DYSF: variants seen among roughly 807,000 people sequenced by gnomAD.
DYSF encodes the protein dystrophy-associated fer-1-like 1.
In DYSF, 212 loss-of-function variants were observed where a neutral mutation model predicts 274.9. The observed-to-expected ratio is 0.77, with a 90% CI of 0.69 to 0.86. The LOEUF is 0.86. DYSF is among the 40% of genes least tolerant of loss of function. The pLI is 0.00. For missense variants in DYSF, 2,666 were observed against 2,783.2 expected, an observed-to-expected ratio of 0.96 and a Z score of 0.95; for synonymous variants, 1,091 against 1,078.7, an observed-to-expected ratio of 1.01 and a Z score of -0.22.
chr2:71,514,775 T>A (rs1268583007), intron 7 of DYSF, among the ~76,000 whole-genome samples: 1 of 152,192 alleles, frequency 6.6e-6, no homozygotes, highest in Non-Finnish European at 1.5e-5. Context: ...TAACCACTGT[T>A]TGCCCCAAAA....
intron 22 of DYSF, among the ~76,000 whole-genome samples, chr2:71,559,911 G>A (rs567591438): frequency 1.3e-5 from 2 of 152,378 alleles, no homozygotes; most frequent in East Asian, 3.9e-4. Context: ...CCCGAGGCCA[G>A]TTCATCTTTC....
chr2:71,455,789 G>A (rs1044621383), intron 1 of DYSF, among the ~76,000 whole-genome samples: 3 of 152,112 alleles, frequency 2.0e-5, no homozygotes, highest in Non-Finnish European at 2.9e-5. Flanking sequence ...AGCAGCCCCT[G>A]CTGTCAGGGG....
intron 1 of DYSF, among the ~76,000 whole-genome samples, chr2:71,476,318 G>T (rs778357775): frequency 1.3e-5 from 2 of 152,098 alleles, no homozygotes; most frequent in East Asian, 3.9e-4. Flanking sequence ...TTGGAAGGCC[G>T]AGGTGGGCAG....
chr2:71,469,195 G>A (rs149767967), intron 1 of DYSF, among the ~76,000 whole-genome samples: 245 of 152,242 alleles, frequency 1.6e-3, no homozygotes, highest in African/African-American at 5.7e-3. Flanking sequence ...TCCCCATTGC[G>A]GGAGCATTCA....
rs2152620707 is a variant in DYSF at position 71,454,007 on chromosome 2, G to A, written c.9G>A (p.Arg3=). The A allele has an allele frequency of 6.2e-7, 1 of 1,614,158 alleles. No individual in the cohort carries two copies. The highest frequency in any genetic ancestry group is 8.5e-7 in the Non-Finnish European group (1 of 1,180,014). Residue 3 remains arginine, a synonymous_variant, in exon 1 of 55, where the codon AGG becomes AGA. Transcript: ENST00000258104. ...CCCTACACGCGCCAAGCATGCTGAG[G>A]GTCTTCATCCTCTATGCCGAGAACG... is the stretch of plus-strand genomic sequence containing the variant.
intron 41 of DYSF, among the ~76,000 whole-genome samples, chr2:71,643,094 C>A (rs1363087264): frequency 4.6e-5 from 7 of 152,100 alleles, no homozygotes; most frequent in Non-Finnish European, 1.0e-4. Flanking sequence ...ACCATCCCAG[C>A]TTCAGGGAGC....
chr2:71,590,387 G>A, intron 32 of DYSF, 99 bp downstream of exon 32: 1 of 1,307,056 alleles, frequency 7.7e-7, no homozygotes, highest in Non-Finnish European at 1.1e-6. Flanking sequence ...TTTGCTGGGT[G>A]CATGGAGATG....
chr2:71,677,838 G>A (rs1458028231), intron 52 of DYSF, among the ~76,000 whole-genome samples: 4 of 152,118 alleles, frequency 2.6e-5, no homozygotes, highest in Non-Finnish European at 5.9e-5. Context: ...CCTACTCCAG[G>A]TGTGTGTGTA....
intron 41 of DYSF, among the ~76,000 whole-genome samples, chr2:71,622,270 T>C (rs1574424684): frequency 6.6e-6 from 1 of 152,224 alleles, no homozygotes; most frequent in East Asian, 1.9e-4. Flanking sequence ...GAACTATCGC[T>C]AGAATATAGG....
Position 71,647,949 on chromosome 2 carries a change from T to C in DYSF, c.4626+3886T>C, listed in dbSNP as rs1364174541. ...GTTGAAGCTGATGACAGAAGCCTCT[T>C]AGACCTGATTTGATTCAGAGAAGCA... On this transcript the variant is annotated intron_variant, in intron 42 of 55. Transcript: ENST00000410020. Among the ~76,000 whole-genome samples the C allele has an allele frequency of 2.6e-5, 4 of 152,318 alleles. No homozygotes were observed. The East Asian group carries it at 7.7e-4, about 29-fold the overall frequency.
chr2:71,546,140 C>T (rs901044016), intron 17 of DYSF, among the ~76,000 whole-genome samples: 11 of 152,266 alleles, frequency 7.2e-5, no homozygotes, highest in South Asian at 2.1e-4. Context: ...GGCCTCTCTC[C>T]GGCCTTGAGG....
chr2:71,538,569 T>G (rs1052653247), intron 16 of DYSF, among the ~76,000 whole-genome samples: 9 of 152,138 alleles, frequency 5.9e-5, no homozygotes, highest in Non-Finnish European at 1.3e-4. Flanking sequence ...ACAGAGATAA[T>G]AATAAAAGTG....
intron 1 of DYSF, among the ~76,000 whole-genome samples, chr2:71,476,946 T>C (rs1373591306): frequency 6.6e-6 from 1 of 151,996 alleles, no homozygotes; most frequent in Non-Finnish European, 1.5e-5. Flanking sequence ...GCCTGCCATT[T>C]CAAGGAAAAT....
At position 71,540,678 on chromosome 2, in the gene DYSF, AT is replaced by A. The variant is rs2089852389; in HGVS notation, c.1576+1440del. On this transcript the variant is annotated intron_variant, in intron 17 of 55. Transcript: ENST00000410020. ...TTAAATAATTATTTTATATTTATAT[AT>A]AACATGTTTATATAATTTATATTCA... Among the ~76,000 whole-genome samples, 8 of 150,894 alleles carry A rather than the reference AT, an allele frequency of 5.3e-5. No homozygotes were observed. The East Asian group carries it at 1.5e-3, about 29-fold the overall frequency.
At position 71,516,716 on chromosome 2, in the gene DYSF, C is replaced by T. The variant is rs541566036; in HGVS notation, c.952-273C>T. ...GCCTAGTGGCTCTAAGTGTAGGCTC[C>T]GGCACTAGAGTGGATTCCAGCTCTG... On this transcript the variant is annotated intron_variant, in intron 9 of 55. Transcript: ENST00000410020. 3.3e-5 allele frequency among the ~76,000 whole-genome samples: 5 copies of T among 152,288 alleles called. No individual in the cohort carries two copies. In the South Asian group the frequency reaches 6.2e-4, roughly 19 times the overall value.
In DYSF at chr2:71,535,010, G is replaced by T; in HGVS notation, c.1381-11G>T. Reference sequence around the variant, plus strand: ...AGCTTGATCAACTTGTCCCCTCCCTGTGTCTTCTAGCTGTGCAGCAAGATC... The same window carrying T: ...AGCTTGATCAACTTGTCCCCTCCCTTTGTCTTCTAGCTGTGCAGCAAGATC... On this transcript the variant is annotated splice_polypyrimidine_tract_variant and intron_variant, in intron 14 of 55. Coordinates refer to ENST00000410020, the MANE Select transcript of DYSF (RefSeq NM_001130987.2). 1 of 1,614,122 alleles carries T rather than the reference G, an allele frequency of 6.2e-7. No individual in the cohort carries two copies. Among genetic ancestry groups the T allele is most frequent in the Non-Finnish European group, 8.5e-7 (1 of 1,179,966 alleles).
chr2:71,561,725 C>A, intron 22 of DYSF, 27 bp from the exon 23 acceptor site: 2 of 1,613,758 alleles, frequency 1.2e-6, no homozygotes, highest in South Asian at 1.1e-5. Context: ...GCTCATCAGG[C>A]GCATTCCATC....
intron 30 of DYSF, among the ~76,000 whole-genome samples, chr2:71,587,097 G>T (rs1248531480): frequency 6.6e-6 from 1 of 152,218 alleles, no homozygotes; most frequent in African/African-American, 2.4e-5. Context: ...CCAAGTCTAA[G>T]AGGCCTGCTG....
At chr2:71,634,141 G>A (rs548453212) in intron 41 of DYSF, among the ~76,000 whole-genome samples, 21 of 152,288 alleles carry the variant, frequency 1.4e-4, no homozygotes, top group African/African-American at 5.1e-4. Context: ...TTGGCTGACT[G>A]CACAATGAGG....
Sources: gnomAD v4.1 joint callset for allele counts (sites outside exome capture counted in the v4.1 genomes callset) on GRCh38, gnomAD v4.1.1 for gene constraint, MANE v1.5 for transcripts, NCBI Gene and HGNC (gene_info 2026-07-23, HGNC 2026-07-21) for gene names.